CREBBP: variants seen among roughly 807,000 people sequenced by gnomAD.
The protein encoded by CREBBP is CREB-binding protein.
In CREBBP, 19 loss-of-function variants were observed where a neutral mutation model predicts 265.0. The ratio of observed to expected loss-of-function variants is 0.07; its 90% CI spans 0.05 to 0.11. The LOEUF is 0.11. Ranked by LOEUF, CREBBP falls within the 10% of genes least tolerant of loss-of-function variation. The pLI is 1.00. For synonymous variants in CREBBP, 1,457 were observed against 1,223.7 expected (o/e 1.19, Z -3.98); for missense variants, 2,525 against 3,219.0 (o/e 0.78, Z 5.22).
intron 1 of CREBBP, among the ~76,000 whole-genome samples, chr16:3,873,399 C>T (rs2055338783): frequency 6.6e-6 from 1 of 152,124 alleles, no homozygotes. Flanking sequence ...GAATTCCCGG[C>T]TATGTATCTG....
Position 3,757,874 on chromosome 16 carries a change from C to A in CREBBP, c.3544G>T (p.Ala1182Ser). 1 of 1,614,166 alleles carries A rather than the reference C, an allele frequency of 6.2e-7. No individual in the cohort carries two copies. Among genetic ancestry groups the A allele is most frequent in the Non-Finnish European group, 8.5e-7 (1 of 1,180,028 alleles). Residue 1182 changes from alanine (A) to serine (S), a missense_variant, in exon 18 of 31, where the codon GCA (alanine) becomes TCA (serine). Ala to Ser is a moderately conservative substitution (Grantham distance 99). This residue lies in a region of CREBBP where 252 missense variants were observed against 452.5 expected (regional missense o/e 0.56). Transcript: ENST00000262367. ...SRVYKFCSKL[A>S]EVFEQEIDPV... ...TCAATTTCCTGCTCAAAGACCTCTG[C>A]AAGCTTACTGCAAAACTTATAGACT...
intron 21 of CREBBP, among the ~76,000 whole-genome samples, chr16:3,749,086 G>A (rs990113468): frequency 6.6e-6 from 1 of 152,232 alleles, no homozygotes; most frequent in African/African-American, 2.4e-5. Flanking sequence ...GGCGGAGCCT[G>A]CAGTGAGCCG....
intron 19 of CREBBP, 165 bp from the exon 20 acceptor site, chr16:3,751,971 TG>T: frequency 1.4e-6 from 1 of 699,572 alleles, no homozygotes; most frequent in Non-Finnish European, 2.6e-6. Flanking sequence ...AGGGGGCAGG[TG>T]GGGAAAGGCA....
In CREBBP at chr16:3,770,893, G is replaced by C. The variant is rs542970560; in HGVS notation, c.2557C>G (p.Leu853Val). ...GAAGCAGGAGGCGGTGTTGGGTGCAGTGGTGACTGTGTCACTGGAGGGCAA... is the reference window on the plus strand; with the variant it reads ...GAAGCAGGAGGCGGTGTTGGGTGCACTGGTGACTGTGTCACTGGAGGGCAA... ...LPCPPVTQSPLHPTPPPASTA... is the reference protein window; with the variant it reads ...LPCPPVTQSPVHPTPPPASTA... The change falls in exon 14 of 31, where the codon CTG becomes GTG. Residue 853 changes from leucine (L) to valine (V), a missense_variant. Physicochemically the swap from Leu to Val is conservative, Grantham distance 32. Around this residue, in one of 19 missense-constraint regions of CREBBP, gnomAD observed 548 missense variants for 533.0 expected, o/e 1.03. Transcript: ENST00000262367. The C allele has an allele frequency of 6.2e-7, 1 of 1,613,882 alleles. No homozygotes were observed. Among genetic ancestry groups the C allele is most frequent in the South Asian group, 1.1e-5 (1 of 91,080 alleles).
chr16:3,792,569 C>T (rs1330341407), intron 4 of CREBBP, among the ~76,000 whole-genome samples: 1 of 152,074 alleles, frequency 6.6e-6, no homozygotes, highest in Non-Finnish European at 1.5e-5. Context: ...ACTCGAGAGG[C>T]TAACTGACCC....
chr16:3,761,735 G>C (rs2052723444), intron 16 of CREBBP, among the ~76,000 whole-genome samples: 1 of 152,264 alleles, frequency 6.6e-6, no homozygotes, highest in Admixed American at 6.5e-5. Flanking sequence ...GGTCCAGGGT[G>C]CAGACGTGCC....
chr16:3,867,571 C>T (rs1227813761), intron 1 of CREBBP, among the ~76,000 whole-genome samples: 2 of 152,000 alleles, frequency 1.3e-5, no homozygotes, highest in Non-Finnish European at 2.9e-5. Flanking sequence ...TGTTATTTAT[C>T]TAAATGCAGC....
intron 13 of CREBBP, 40 bp from the exon 14 acceptor site, chr16:3,771,026 C>T (rs770258613): frequency 2.4e-5 from 39 of 1,607,738 alleles, no homozygotes; most frequent in African/African-American, 5.4e-5. Context: ...TTATTTCCCC[C>T]GTTTGAAAAT....
At chr16:3,779,834 T>C (rs1362600411) in intron 8 of CREBBP, among the ~76,000 whole-genome samples, 1 of 152,188 alleles carries the variant, frequency 6.6e-6, no homozygotes, top group South Asian at 2.1e-4. Flanking sequence ...TTAGGCTTGG[T>C]GTGGTGGCTC....
At chr16:3,760,735 A>T (rs946971914) in intron 16 of CREBBP, among the ~76,000 whole-genome samples, 9 of 151,802 alleles carry the variant, frequency 5.9e-5, no homozygotes, top group Admixed American at 2.6e-4. Context: ...ATTTTTAGAG[A>T]CAGAGTCTTG....
At chr16:3,771,075 A>G in intron 13 of CREBBP, 89 bp from the exon 14 acceptor site, 3 of 1,529,686 alleles carry the variant, frequency 2.0e-6, no homozygotes, top group Non-Finnish European at 2.7e-6. Flanking sequence ...ATGAAAAAAA[A>G]ATTTTTTTTT....
At chr16:3,740,662 A>T in intron 23 of CREBBP, 113 bp from the exon 24 acceptor site, 1 of 1,206,750 alleles carries the variant, frequency 8.3e-7, no homozygotes, top group Non-Finnish European at 1.2e-6. Flanking sequence ...TTAAAGGACT[A>T]ATGTTCTCCA....
chr16:3,747,485 G>C (rs778847526), intron 21 of CREBBP, among the ~76,000 whole-genome samples: 18 of 152,090 alleles, frequency 1.2e-4, no homozygotes, highest in Non-Finnish European at 2.4e-4. Context: ...TGGTGATGCC[G>C]CTCTGCCCAA....
intron 24 of CREBBP, among the ~76,000 whole-genome samples, chr16:3,740,126 G>C (rs992578588): frequency 2.0e-5 from 3 of 152,184 alleles, no homozygotes; most frequent in Non-Finnish European, 4.4e-5. Flanking sequence ...CACAGCAAGA[G>C]ATTAACAAGA....
chr16:3,821,285 G>T (rs11644593), intron 2 of CREBBP, among the ~76,000 whole-genome samples: 1 of 152,184 alleles, frequency 6.6e-6, no homozygotes, highest in Non-Finnish European at 1.5e-5. Context: ...CGCAGTGAGT[G>T]ACAACTGAGG....
chr16:3,841,535 G>C (rs2054566931), intron 2 of CREBBP, among the ~76,000 whole-genome samples: 1 of 150,054 alleles, frequency 6.7e-6, no homozygotes, highest in South Asian at 2.1e-4. Context: ...CAGCTACTTA[G>C]GAGGCTGAGA....
chr16:3,834,471 C>A (rs939158980), intron 2 of CREBBP, among the ~76,000 whole-genome samples: 2 of 152,074 alleles, frequency 1.3e-5, no homozygotes, highest in Non-Finnish European at 2.9e-5. Flanking sequence ...GTGACTGTAA[C>A]TTTACAAAAA....
chr16:3,742,503 G>A (rs1181811052), intron 23 of CREBBP: 2 of 152,168 alleles, frequency 1.3e-5, no homozygotes, highest in African/African-American at 4.8e-5. Context: ...CATGGCGCAT[G>A]ACAGGGGCCT....
intron 2 of CREBBP, among the ~76,000 whole-genome samples, chr16:3,849,426 T>TGTGTGTGTG (rs2054748836): frequency 5.1e-4 from 4 of 7,768 alleles, no homozygotes; most frequent in African/African-American, 6.3e-4. Flanking sequence ...TGTGTGTGTG[T>TGTGTGTGTG]GTGTGTGTGT....
Sources: gnomAD v4.1 joint callset for allele counts (sites outside exome capture counted in the v4.1 genomes callset) on GRCh38, gnomAD v4.1.1 for gene constraint, gnomAD v4.1.1 regional missense constraint, MANE v1.5 for transcripts, NCBI Gene and HGNC (gene_info 2026-07-23, HGNC 2026-07-21) for gene names.